Variants in AFF4 observed in about 807,000 individuals in gnomAD.
AFF4 encodes AF4/FMR2 family member 4.
AFF4 carries 13 observed loss-of-function variants against 124.8 expected under a neutral mutation model. The ratio of observed to expected loss-of-function variants is 0.10; its 90% confidence interval spans 0.07 to 0.17. The LOEUF is 0.17. Ranked by LOEUF, AFF4 falls within the 10% of genes least tolerant of loss-of-function variation. AFF4 has a pLI of 1.00. For missense variants in AFF4, 1,092 were observed against 1,403.8 expected, an observed-to-expected ratio of 0.78 and a Z score of 3.55; for synonymous variants, 477 against 496.1, an observed-to-expected ratio of 0.96 and a Z score of 0.51.
At chr5:132,896,256 T>A in intron 11 of AFF4, 67 bp downstream of exon 11, 2 of 1,510,180 alleles carry the variant, frequency 1.3e-6, no homozygotes, top group Non-Finnish European at 1.8e-6. Context: ...CTTTGTGGCT[T>A]ACTGAGATTT....
intron 1 of AFF4, among the ~76,000 whole-genome samples, chr5:132,950,834 T>C (rs1761827706): frequency 6.6e-6 from 1 of 152,210 alleles, no homozygotes; most frequent in African/African-American, 2.4e-5. Flanking sequence ...CCTTTAGCAG[T>C]TGCGATTTTT....
At chr5:132,946,787 A>G (rs1165781260) in intron 1 of AFF4, among the ~76,000 whole-genome samples, 1 of 152,246 alleles carries the variant, frequency 6.6e-6, no homozygotes, top group Non-Finnish European at 1.5e-5. Flanking sequence ...AGTAAATTTT[A>G]TATTTTGCCA....
rs1332955464 is a variant in AFF4 at position 132,935,033 on chromosome 5, A to G, written c.124-92T>C. The G allele has an allele frequency of 5.7e-6, 6 of 1,059,376 alleles. No individual in the cohort carries two copies. In the East Asian group the frequency reaches 1.6e-4, roughly 29 times the overall value. 65.6% of individuals were successfully genotyped at this position (1,059,376 alleles called of 1,614,324 possible). On this transcript the variant is annotated intron_variant, in intron 2 of 20. Transcript: ENST00000265343. ...ACTAATTTTCCAAACTTCGAATGGAAAGGGGCTTTTCAAAGGGAGGCTTTA... is the reference window on the plus strand; with the variant it reads ...ACTAATTTTCCAAACTTCGAATGGAGAGGGGCTTTTCAAAGGGAGGCTTTA...
chr5:132,945,423 C>A (rs1581329901), intron 1 of AFF4: 1 of 152,206 alleles, frequency 6.6e-6, no homozygotes, highest in East Asian at 1.9e-4. Flanking sequence ...TAGTCTTTGA[C>A]CCCTTCTCAC....
At chr5:132,899,234 C>A (rs1760487545) in intron 8 of AFF4, 93 bp from the exon 9 acceptor site, 1 of 1,229,600 alleles carries the variant, frequency 8.1e-7, no homozygotes, top group Non-Finnish European at 1.2e-6. Context: ...ACAGAAAAAA[C>A]TGGATTCTCT....
At chr5:132,907,443 C>A (rs972902670) in intron 5 of AFF4, among the ~76,000 whole-genome samples, 1 of 152,192 alleles carries the variant, frequency 6.6e-6, no homozygotes, top group Non-Finnish European at 1.5e-5. Flanking sequence ...GACAAGGGCC[C>A]TGCCCCCATG....
chr5:132,899,454 T>G (rs996498105), intron 8 of AFF4, 133 bp downstream of exon 8: 6 of 892,706 alleles, frequency 6.7e-6, no homozygotes, highest in Non-Finnish European at 9.7e-6. Context: ...AGAAGAAAAC[T>G]ACAACATTTC....
At chr5:132,929,561 T>A (rs1761254586) in intron 4 of AFF4, among the ~76,000 whole-genome samples, 1 of 152,064 alleles carries the variant, frequency 6.6e-6, no homozygotes, top group South Asian at 2.1e-4. Flanking sequence ...GAAGAAGTAT[T>A]TCATTGGGAT....
rs1298970063 is a variant in AFF4, at chr5:132,879,271, G to T, written c.*1788C>A. 1.4e-5 allele frequency: 3 copies of T among 218,548 alleles called. No homozygotes were observed. The highest frequency in any genetic ancestry group is 6.7e-5 in the African/African-American group (3 of 44,524). The allele number at this position is 218,548 out of a possible 1,614,324, so 13.5% of individuals were successfully genotyped here. A position where few individuals can be genotyped will look rare whatever the true frequency, so the allele number is the denominator to read the frequency against. On this transcript the variant is annotated 3_prime_UTR_variant, in exon 21 of 21. Transcript: ENST00000265343. The stretch of plus-strand genomic sequence containing the variant: ...GTGTAAAAAAGTCTCAAACACAAAG[G>T]ATTCACTGCACTACTGGACTTGAAA...
intron 1 of AFF4, among the ~76,000 whole-genome samples, chr5:132,958,693 GTCTC>G (rs1762014386): frequency 6.6e-6 from 1 of 152,132 alleles, no homozygotes; most frequent in African/African-American, 2.4e-5. Context: ...AAGAAGGTGT[GTCTC>G]TACAGAGTAT....
Position 132,878,575 on chromosome 5 carries a change from GAGT to G in AFF4, c.*2481_*2483del. On this transcript the variant is annotated 3_prime_UTR_variant, in exon 21 of 21. Coordinates refer to ENST00000265343, the MANE Select transcript of AFF4 (RefSeq NM_014423.4). ...TAAGAAGATAGACATGGAGGAAAGG[GAGT>G]AGTATTTCCACACACTATGACATTG... The G allele has an allele frequency of 4.3e-6, 1 of 231,300 alleles. No individual in the cohort carries two copies. The highest frequency in any genetic ancestry group is 2.2e-5 in the African/African-American group (1 of 45,322). 14.3% of individuals were successfully genotyped at this position (231,300 alleles called of 1,614,324 possible). A position where few individuals can be genotyped will look rare whatever the true frequency, so the allele number is the denominator to read the frequency against.
In AFF4 at chr5:132,879,105, G is replaced by C. The variant is rs1759909302; in HGVS notation, c.*1954C>G. On this transcript the variant is annotated 3_prime_UTR_variant, in exon 21 of 21. Transcript: ENST00000265343. ...AAGATATCAGAGGCAATTTCTCCAA[G>C]AGAAACAGGTTAAATTCAACATAAT... 1 of 221,210 alleles carries C rather than the reference G, an allele frequency of 4.5e-6. No individual in the cohort carries two copies. Among genetic ancestry groups the C allele is most frequent in the African/African-American group, 2.2e-5 (1 of 44,662 alleles). 13.7% of individuals were successfully genotyped at this position (221,210 alleles called of 1,614,324 possible).
intron 1 of AFF4, chr5:132,943,198 AGC>A (rs1311996283): frequency 5.6e-6 from 1 of 178,540 alleles, no homozygotes; most frequent in Non-Finnish European, 1.2e-5. Context: ...GGTGTGAAAC[AGC>A]TAATTGCTGG....
At chr5:132,915,745 T>C (rs1383517276) in intron 5 of AFF4, among the ~76,000 whole-genome samples, 2 of 151,578 alleles carry the variant, frequency 1.3e-5, no homozygotes, top group Non-Finnish European at 2.9e-5. Context: ...TTTTTGTATT[T>C]TTAGTAGAGA....
chr5:132,900,265 T>C (rs1356438871), intron 7 of AFF4, among the ~76,000 whole-genome samples: 3 of 152,140 alleles, frequency 2.0e-5, no homozygotes, highest in African/African-American at 7.2e-5. Context: ...TTTTAAAACT[T>C]TGAAGTTCTG....
intron 1 of AFF4, among the ~76,000 whole-genome samples, chr5:132,951,979 T>C (rs527849490): frequency 6.6e-6 from 1 of 152,380 alleles, no homozygotes; most frequent in South Asian, 2.1e-4. Flanking sequence ...TCCATTGCTG[T>C]AGTTCATTTA....
At chr5:132,900,134 C>T (rs6862459) in intron 7 of AFF4, among the ~76,000 whole-genome samples, 76,246 of 152,136 alleles carry the variant, frequency 0.5, 19,346 homozygotes, top group South Asian at 0.57. Flanking sequence ...AAAACCAGAA[C>T]GGTTTCCTAA....
At chr5:132,904,325 T>C in intron 6 of AFF4, 43 bp downstream of exon 6, 9 of 1,566,614 alleles carry the variant, frequency 5.7e-6, no homozygotes, top group Non-Finnish European at 7.0e-6. Context: ...GAATGTTCAA[T>C]AAATAGCTTA....
chr5:132,924,859 CA>C (rs1761132472), intron 5 of AFF4, among the ~76,000 whole-genome samples: 1 of 151,474 alleles, frequency 6.6e-6, no homozygotes. Flanking sequence ...TAACAAAAAA[CA>C]AAACTCAAAC....
Sources: gnomAD v4.1 joint callset for allele counts (sites outside exome capture counted in the v4.1 genomes callset) on GRCh38, gnomAD v4.1.1 for gene constraint, MANE v1.5 for transcripts, NCBI Gene and HGNC (gene_info 2026-07-23, HGNC 2026-07-21) for gene names.